MXRA5: variants seen among roughly 807,000 people sequenced by gnomAD.
The protein encoded by MXRA5 is matrix-remodeling-associated protein 5.
A neutral mutation model predicts 112.5 loss-of-function variants in MXRA5; 41 were observed. The ratio of observed to expected loss-of-function variants is 0.36; its 90% CI spans 0.28 to 0.47. The LOEUF is 0.47. MXRA5 is among the 20% of genes least tolerant of loss of function. The pLI is 0.99. For missense variants in MXRA5, 2,150 were observed against 2,251.0 expected, an observed-to-expected ratio of 0.96 and a Z score of 0.91; for synonymous variants, 862 against 900.8, an observed-to-expected ratio of 0.96 and a Z score of 0.77.
At chrX:3,344,538 G>A (rs770501555) in intron 1 of MXRA5, among the ~76,000 whole-genome samples, 1 of 111,008 alleles carries the variant, frequency 9.0e-6, no homozygotes, top group South Asian at 3.9e-4. Context: ...AAACAGGAAG[G>A]GACTGCTTAT....
chrX:3,323,565 T>G lies in MXRA5; in HGVS notation c.2120A>C (p.Glu707Ala). The change falls in exon 5 of 7, where the codon GAA becomes GCA. Residue 707 changes from glutamate (E) to alanine (A), a missense_variant. Around this residue, in one of 6 missense-constraint regions of MXRA5, gnomAD observed 1,485 missense variants for 1,471.6 expected, o/e 1.01. Coordinates refer to ENST00000217939, the MANE Select transcript of MXRA5 (RefSeq NM_015419.4). The stretch of plus-strand genomic sequence containing the variant: ...CAGAAGTCTCCTTGAAGTGTTCTCT[T>G]CATCTCCCATGCCCGAGCCCCCTTC... ...EDEGGSGMGD[E>A]ENTSRRLLHP... The G allele has an allele frequency of 8.3e-7, 1 of 1,210,518 alleles. No homozygotes were observed. The highest frequency in any genetic ancestry group is 1.1e-6 in the Non-Finnish European group (1 of 894,891).
rs866456166 is a variant in MXRA5, at chrX:3,310,975, G to A, written c.7228C>T (p.Arg2410Cys). Residue 2410 changes from arginine to cysteine, a missense_variant, in exon 7 of 7, where the codon CGT becomes TGT. By Grantham distance (180) the Arg-to-Cys change is radical (BLOSUM62 -3). Transcript: ENST00000217939. ...DGTLLIQKAQ[R>C]SDSGNYTCLV... is the part of the protein sequence containing the mutation. Reference sequence around the variant, plus strand: ...CAGGTGTAGTTGCCGCTGTCAGAACGCTGGGCTTTCTGAATAAGGAGAGTG... The same window carrying A: ...CAGGTGTAGTTGCCGCTGTCAGAACACTGGGCTTTCTGAATAAGGAGAGTG... 2.5e-6 allele frequency: 3 copies of A among 1,211,516 alleles called. No homozygotes were observed. The highest frequency in any genetic ancestry group is 3.0e-5 in the East Asian group (1 of 33,800).
chrX:3,342,034 A>G (rs1346809417), intron 2 of MXRA5, among the ~76,000 whole-genome samples: 1 of 111,118 alleles, frequency 9.0e-6, no homozygotes, highest in Non-Finnish European at 1.9e-5. Flanking sequence ...TGTGGTACAT[A>G]TACACCATGG....
At chrX:3,318,991 T>C (rs1331329104) in intron 5 of MXRA5, among the ~76,000 whole-genome samples, 1 of 111,553 alleles carries the variant, frequency 9.0e-6, no homozygotes, top group Non-Finnish European at 1.9e-5. Context: ...CTCACTTATA[T>C]GTGCAGCGTA....
In MXRA5 at chrX:3,341,021, T is replaced by TA. The variant is rs1289838060; in HGVS notation, c.188+2624dup. Among the ~76,000 whole-genome samples the TA allele has an allele frequency of 2.1e-3, 168 of 80,218 alleles. 1 individual carries two copies. Among genetic ancestry groups the TA allele is most frequent in the Non-Finnish European group, 3.6e-3 (155 of 43,287 alleles). 69.7% of individuals were successfully genotyped at this position (80,218 alleles called of 115,157 possible). A position where few individuals can be genotyped will look rare whatever the true frequency, so the allele number is the denominator to read the frequency against. Reference sequence around the variant, plus strand: ...TGTATAATATATATTATACATGATATATATAATGTATAATATATATTGTGT... The same window carrying TA: ...TGTATAATATATATTATACATGATATAATATAATGTATAATATATATTGTGT... On this transcript the variant is annotated intron_variant, in intron 2 of 6. Coordinates refer to ENST00000217939, the MANE Select transcript of MXRA5 (RefSeq NM_015419.4).
At position 3,322,192 on chromosome X, in the gene MXRA5, G is replaced by T; in HGVS notation, c.3493C>A (p.Arg1165=). Residue 1165 remains arginine (R), a synonymous_variant, in exon 5 of 7, where the codon CGG becomes AGG. Coordinates refer to ENST00000217939, the MANE Select transcript of MXRA5 (RefSeq NM_015419.4). Reference sequence around the variant, plus strand: ...GTTGTGGGTGGGGTTTGCTTGTGCCGGTGGCGGAATTTGTTGGGGCGTAAT... The same window carrying T: ...GTTGTGGGTGGGGTTTGCTTGTGCCTGTGGCGGAATTTGTTGGGGCGTAAT... ...RRLRPNKFRH[R]HKQTPPTTFA... 1 of 1,190,020 alleles carries T rather than the reference G, an allele frequency of 8.4e-7. No individual in the cohort carries two copies. The highest frequency in any genetic ancestry group is 1.1e-6 in the Non-Finnish European group (1 of 884,277).
Position 3,321,304 on chromosome X carries a change from C to G in MXRA5, c.4381G>C (p.Asp1461His). 1 of 1,211,547 alleles carries G rather than the reference C, an allele frequency of 8.3e-7. No homozygotes were observed. Among genetic ancestry groups the G allele is most frequent in the Admixed American group, 2.2e-5 (1 of 46,020 alleles). The change falls in exon 5 of 7, where the codon GAT becomes CAT. Residue 1461 changes from aspartate (D) to histidine (H), a missense_variant. Physicochemically the swap from Asp to His is moderately conservative, Grantham distance 81. Coordinates refer to ENST00000217939, the MANE Select transcript of MXRA5 (RefSeq NM_015419.4). ...ACAGTGGTTTCAAGATGATCTTGAT[C>G]AAGGGTGGTGGTTTCTGCCTGACTT... ...ASSQAETTTL[D>H]QDHLETTVAI... is the part of the protein sequence containing the mutation.
chrX:3,312,439 T>C (rs1026837392), intron 6 of MXRA5, among the ~76,000 whole-genome samples: 2 of 112,306 alleles, frequency 1.8e-5, no homozygotes, highest in African/African-American at 3.2e-5. Flanking sequence ...TCGGAACTAA[T>C]ATGTTGAATA....
intron 6 of MXRA5, among the ~76,000 whole-genome samples, chrX:3,312,794 T>C (rs1921007638): frequency 1.8e-5 from 2 of 111,332 alleles, no homozygotes; most frequent in Admixed American, 9.5e-5. Context: ...GAGTTTGAAC[T>C]CCTGGACTTA....
intron 6 of MXRA5, among the ~76,000 whole-genome samples, chrX:3,313,917 G>A (rs1014532235): frequency 4.5e-5 from 5 of 111,941 alleles, no homozygotes; most frequent in African/African-American, 1.6e-4. Context: ...GCACCACCCA[G>A]CCATCTAAAG....
Position 3,330,667 on chromosome X carries a change from A to C in MXRA5, c.295T>G (p.Leu99Val). ...NEIPSIPDGA[L>V]RDLSSLQVFK... The stretch of plus-strand genomic sequence containing the variant: ...ACCTGAAGAGAGCTGAGGTCTCTTA[A>C]AGCTCCATCGGGGATGCTTGGGATC... Residue 99 changes from leucine (L) to valine (V), a missense_variant, in exon 3 of 7, where the codon TTA becomes GTA. Physicochemically the swap from Leu to Val is conservative, Grantham distance 32. This residue lies in a region of MXRA5 where 386 missense variants were observed against 411.0 expected (regional missense o/e 0.94). Transcript: ENST00000217939. 2 of 1,210,112 alleles carry C rather than the reference A, an allele frequency of 1.7e-6. No individual in the cohort carries two copies. The highest frequency in any genetic ancestry group is 2.2e-6 in the Non-Finnish European group (2 of 894,684).
At chrX:3,345,335 G>A (rs1922082151) in intron 1 of MXRA5, among the ~76,000 whole-genome samples, 1 of 112,721 alleles carries the variant, frequency 8.9e-6, no homozygotes. Context: ...CTGGGCGCTG[G>A]AACAAACCGG....
At position 3,309,955 on chromosome X, in the gene MXRA5, T is replaced by C; in HGVS notation, c.8248A>G (p.Thr2750Ala). The C allele has an allele frequency of 8.3e-7, 1 of 1,211,217 alleles. No individual in the cohort carries two copies. Among genetic ancestry groups the C allele is most frequent in the Non-Finnish European group, 1.1e-6 (1 of 895,273 alleles). The change falls in exon 7 of 7, where the codon ACC (threonine) becomes GCC (alanine). Residue 2750 changes from threonine to alanine, a missense_variant. Thr to Ala is a moderately conservative substitution (Grantham distance 58). Coordinates refer to ENST00000217939, the MANE Select transcript of MXRA5 (RefSeq NM_015419.4). ...ATAGCCATGCAGTTCAGTTTCACGGTGTTCCCGGGCCGGGTGTAGATGACC... is the reference window on the plus strand; with the variant it reads ...ATAGCCATGCAGTTCAGTTTCACGGCGTTCCCGGGCCGGGTGTAGATGACC... Reference protein sequence around the residue: ...TPVIYTRPGNTVKLNCMAMGI... With the variant: ...TPVIYTRPGNAVKLNCMAMGI...
chrX:3,341,705 A>T (rs1453168991), intron 2 of MXRA5, among the ~76,000 whole-genome samples: 1 of 84,823 alleles, frequency 1.2e-5, no homozygotes, highest in African/African-American at 4.3e-5. Flanking sequence ...ATATATATAA[A>T]ATATATACAT....
intron 6 of MXRA5, among the ~76,000 whole-genome samples, chrX:3,316,007 GAAGTT>G (rs1921107676): frequency 1.8e-5 from 1 of 56,944 alleles, no homozygotes. Flanking sequence ...TATTTGTTAA[GAAGTT>G]GAGTATTTGT....
chrX:3,319,373 GC>G (rs1921235764), intron 5 of MXRA5, among the ~76,000 whole-genome samples: 1 of 112,398 alleles, frequency 8.9e-6, no homozygotes, highest in African/African-American at 3.2e-5. Flanking sequence ...ATGAGTCCCA[GC>G]CACTTCCAAG....
rs1290233773 is a variant in MXRA5 at position 3,309,788 on chromosome X, G to A, written c.8415C>T (p.Ala2805=). ...TTTTTGCCATGCACTTGTAGAAGCC[G>A]GCATCTCTCTGTGTGGCATGCTGGA... ...LTIQHATQRD[A]GFYKCMAKNI... is the part of the protein sequence containing the mutation. Residue 2805 remains alanine, a synonymous_variant, in exon 7 of 7, where the codon GCC becomes GCT. Transcript: ENST00000217939. The A allele has an allele frequency of 3.3e-6, 4 of 1,211,713 alleles. No individual in the cohort carries two copies. The highest frequency in any genetic ancestry group is 2.2e-5 in the Admixed American group (1 of 46,053).
Position 3,322,129 on chromosome X carries a change from G to A in MXRA5, c.3556C>T (p.Gln1186Ter). The A allele has an allele frequency of 8.3e-7, 1 of 1,203,284 alleles. No individual in the cohort carries two copies. The highest frequency in any genetic ancestry group is 1.1e-6 in the Non-Finnish European group (1 of 890,919). Residue 1186 changes from glutamine to a stop codon, truncating the protein, a stop_gained, in exon 5 of 7, where the codon CAA (glutamine) becomes TAA (stop). Transcript: ENST00000217939. LOFTEE classifies it high-confidence loss of function. Reference protein sequence around the residue: ...PSETFSTQPTQAPDIKISSQV... With the variant: ...PSETFSTQPT Reference sequence around the variant, plus strand: ...CTTGAAATCTTAATGTCAGGTGCTTGAGTTGGTTGAGTAGAAAAAGTCTCT... The same window carrying A: ...CTTGAAATCTTAATGTCAGGTGCTTAAGTTGGTTGAGTAGAAAAAGTCTCT...
intron 4 of MXRA5, among the ~76,000 whole-genome samples, chrX:3,325,900 G>T (rs1248815856): frequency 2.1e-4 from 3 of 14,469 alleles, no homozygotes; most frequent in Admixed American, 9.3e-4. Flanking sequence ...AATTTATAAT[G>T]TATAATTTTA....
Sources: gnomAD v4.1 joint callset for allele counts (sites outside exome capture counted in the v4.1 genomes callset) on GRCh38, gnomAD v4.1.1 for gene constraint, gnomAD v4.1.1 regional missense constraint, MANE v1.5 for transcripts, NCBI Gene and HGNC (gene_info 2026-07-23, HGNC 2026-07-21) for gene names.